AP2A1: variants seen among roughly 807,000 people sequenced by gnomAD.
AP2A1 encodes the protein adaptor related protein complex 2 subunit alpha 1, also known as AP-2 complex subunit alpha-1.
In AP2A1, 21 loss-of-function variants were observed where a neutral mutation model predicts 107.3. The observed-to-expected ratio is 0.20, with a 90% CI of 0.14 to 0.28. The LOEUF (loss-of-function observed/expected upper bound fraction) is 0.28, where lower values mean the gene tolerates loss of function less well. Ranked by LOEUF, AP2A1 falls within the 10% of genes least tolerant of loss-of-function variation. The probability of loss-of-function intolerance (pLI) is 1.00; values close to 1 mark genes in which losing one functional copy is unlikely to be tolerated. For missense variants in AP2A1, 873 were observed against 1,307.7 expected (o/e 0.67, Z 5.13); for synonymous variants, 602 against 564.8 (o/e 1.07, Z -0.93).
rs941469544 is a variant in AP2A1 at position 49,785,876 on chromosome 19, C to G, written c.473+3152C>G. Among the ~76,000 whole-genome samples the G allele has an allele frequency of 2.0e-5, 3 of 151,656 alleles. No homozygotes were observed. Among genetic ancestry groups the G allele is most frequent in the Admixed American group, 6.6e-5 (1 of 15,232 alleles). On this transcript the variant is annotated intron_variant, in intron 4 of 22. Coordinates refer to ENST00000354293, the MANE Select transcript of AP2A1 (RefSeq NM_130787.3). This position sits in a 1 kb window ranked among gnomAD's most constrained non-coding sequence, Gnocchi z 4.1. ...AGGTTGCAGTGAGTGGAGATTGTGC[C>G]ACTGCACTCCAGCCTGGGTGACAGA...
At chr19:49,794,260 G>A (rs1320933017) in intron 6 of AP2A1, among the ~76,000 whole-genome samples, 2 of 148,528 alleles carry the variant, frequency 1.3e-5, no homozygotes, top group African/African-American at 5.0e-5. Context: ...CTGTCGCCCA[G>A]GCTGGAGTGC....
chr19:49,779,095 G>T (rs1336327596), intron 1 of AP2A1, among the ~76,000 whole-genome samples: 9 of 151,446 alleles, frequency 5.9e-5, no homozygotes, highest in Admixed American at 5.3e-4. Flanking sequence ...CCAACACTTT[G>T]AGAGGCCAAT....
chr19:49,805,873 C>T lies in AP2A1; in HGVS notation c.2587C>T (p.Pro863Ser), dbSNP rs769967275. ...FFQRWKQLSL[P>S]QQEAQKIFKA... ...GACTTGAACCTTCCCGGTCCCCAGC[C>T]CTCAACAGGAGGCGCAGAAAATCTT... Residue 863 changes from proline to serine, a missense_variant and splice_region_variant, in exon 21 of 23, where the codon CCT becomes TCT. Around this residue, in one of 4 missense-constraint regions of AP2A1, gnomAD observed 416 missense variants for 473.4 expected, o/e 0.88. Coordinates refer to ENST00000354293, the MANE Select transcript of AP2A1 (RefSeq NM_130787.3). The T allele has an allele frequency of 2.2e-5, 35 of 1,613,784 alleles. No homozygotes were observed. The highest frequency in any genetic ancestry group is 3.0e-5 in the Non-Finnish European group (35 of 1,179,888).
intron 1 of AP2A1, among the ~76,000 whole-genome samples, chr19:49,768,502 C>A (rs1161743741): frequency 6.6e-6 from 1 of 152,124 alleles, no homozygotes; most frequent in East Asian, 1.9e-4. Context: ...TCGTTCCAGG[C>A]CCCAGATGGA....
intron 1 of AP2A1, among the ~76,000 whole-genome samples, chr19:49,779,062 C>G (rs60458566): frequency 6.7e-6 from 1 of 148,956 alleles, no homozygotes; most frequent in Non-Finnish European, 1.5e-5. Context: ...TAGGGCTGGG[C>G]GAAGTGGCTC....
intron 1 of AP2A1, among the ~76,000 whole-genome samples, 198 bp from the exon 2 acceptor site, chr19:49,781,559 T>G (rs866945617): frequency 6.6e-6 from 1 of 152,116 alleles, no homozygotes; most frequent in Non-Finnish European, 1.5e-5. Flanking sequence ...TGCTCTGTGC[T>G]GTGGGGCTCA....
At chr19:49,799,279 T>C (rs1362547795) in intron 8 of AP2A1, 48 bp from the exon 9 acceptor site, 2 of 1,589,842 alleles carry the variant, frequency 1.3e-6, no homozygotes, top group Admixed American at 1.7e-5. Context: ...CTCCACCTTC[T>C]CCTGTCAGTT....
At chr19:49,767,640 G>A (rs1393298951) in intron 1 of AP2A1, among the ~76,000 whole-genome samples, 2 of 152,056 alleles carry the variant, frequency 1.3e-5, no homozygotes, top group Non-Finnish European at 2.9e-5. Flanking sequence ...GTGGAATGCC[G>A]GAAGCCTAAT....
intron 7 of AP2A1, among the ~76,000 whole-genome samples, chr19:49,798,450 G>A (rs1182868403): frequency 1.3e-5 from 2 of 152,198 alleles, no homozygotes; most frequent in Non-Finnish European, 2.9e-5. Context: ...TCTGGGGAAG[G>A]TTCCTGGAGC....
chr19:49,803,554 A>C, intron 18 of AP2A1, 178 bp downstream of exon 18: 1 of 628,934 alleles, frequency 1.6e-6, no homozygotes, highest in Non-Finnish European at 2.8e-6. Context: ...CCCCCAGGAC[A>C]GGGGATGACA....
At chr19:49,778,127 G>A (rs1374184759) in intron 1 of AP2A1, among the ~76,000 whole-genome samples, 1 of 152,140 alleles carries the variant, frequency 6.6e-6, no homozygotes, top group Non-Finnish European at 1.5e-5. Flanking sequence ...ACAATTGAGT[G>A]AATACACTCG....
intron 1 of AP2A1, among the ~76,000 whole-genome samples, chr19:49,771,331 G>C (rs888480649): frequency 2.1e-5 from 3 of 142,232 alleles, no homozygotes; most frequent in African/African-American, 7.8e-5. Flanking sequence ...AAAAAAGAAA[G>C]GTCCTGGAAT....
intron 6 of AP2A1, among the ~76,000 whole-genome samples, chr19:49,794,835 G>T (rs953880948): frequency 6.6e-6 from 1 of 152,190 alleles, no homozygotes; most frequent in South Asian, 2.1e-4. Flanking sequence ...GCTAATTTTT[G>T]TATTTTTAGT....
rs1288675078 is a variant in AP2A1, at chr19:49,806,024, A to G, written c.2655+83A>G. ...GTTTTCCCATCTGTAAAGTGGGGCC[A>G]ATTCCCATCCCCAAGGGTTTTTTGG... On this transcript the variant is annotated intron_variant, in intron 21 of 22. Transcript: ENST00000354293. 44 of 1,610,704 alleles carry G rather than the reference A, an allele frequency of 2.7e-5. No individual in the cohort carries two copies. In the East Asian group the frequency reaches 9.6e-4, roughly 35 times the overall value.
chr19:49,768,032 G>A (rs978925873), intron 1 of AP2A1, among the ~76,000 whole-genome samples: 1 of 152,042 alleles, frequency 6.6e-6, no homozygotes, highest in Admixed American at 6.6e-5. Flanking sequence ...AAGGGTAGAA[G>A]AAGGAGCGCC....
chr19:49,778,132 C>T (rs2084635830), intron 1 of AP2A1, among the ~76,000 whole-genome samples: 1 of 151,992 alleles, frequency 6.6e-6, no homozygotes, highest in Admixed American at 6.6e-5. Flanking sequence ...TGAGTGAATA[C>T]ACTCGTGTAT....
In AP2A1 at chr19:49,803,554, A is replaced by G. The variant is rs73934049; in HGVS notation, c.2344+178A>G. 1,131 of 628,932 alleles carry G rather than the reference A, an allele frequency of 1.8e-3. 5 individuals are homozygous for G. The highest frequency in any genetic ancestry group is 7.4e-3 in the African/African-American group (409 of 55,030). The allele number at this position is 628,932 out of a possible 1,614,324, so 39.0% of individuals were successfully genotyped here. On this transcript the variant is annotated intron_variant, in intron 18 of 22. Transcript: ENST00000354293. The stretch of plus-strand genomic sequence containing the variant: ...GGGGTGGGATTCCTTCCCCCAGGAC[A>G]GGGGATGACAGTGAAGTGGTGTGTG...
rs374935081 is a variant in AP2A1, at chr19:49,799,323, G to A, written c.966-4G>A. ...CATCCCTCTCTTGTGGCCCCTGCTG[G>A]CAGTGAGCCCAACCTCCTGGTTCGG... On this transcript the variant is annotated splice_polypyrimidine_tract_variant and splice_region_variant and intron_variant, in intron 8 of 22. Transcript: ENST00000354293. 3.7e-4 allele frequency: 590 copies of A among 1,608,880 alleles called. No homozygotes were observed. The highest frequency in any genetic ancestry group is 4.8e-4 in the Non-Finnish European group (563 of 1,179,320).
chr19:49,777,506 G>A (rs1030707223), intron 1 of AP2A1, among the ~76,000 whole-genome samples: 12 of 151,472 alleles, frequency 7.9e-5, no homozygotes, highest in Middle Eastern at 3.4e-3. Context: ...ATGGTGGCGG[G>A]CGCCTGTAGC....
Sources: gnomAD v4.1 joint callset for allele counts (sites outside exome capture counted in the v4.1 genomes callset) on GRCh38, gnomAD v4.1.1 for gene constraint, gnomAD v4.1.1 regional missense constraint, Gnocchi (gnomAD v3.1) non-coding constraint, MANE v1.5 for transcripts, NCBI Gene and HGNC (gene_info 2026-07-23, HGNC 2026-07-21) for gene names.